Variants in ZNF385B observed in about 807,000 individuals in gnomAD.
The protein encoded by ZNF385B is zinc finger protein 533.
A neutral mutation model predicts 39.2 loss-of-function variants in ZNF385B; 23 were observed. The observed-to-expected ratio is 0.59, with a 90% CI of 0.42 to 0.83. ZNF385B has a LOEUF of 0.83. Among genes scored for constraint, ZNF385B ranks in the 40% least tolerant of loss-of-function variants. The probability of loss-of-function intolerance (pLI) is 0.00; values close to 1 mark genes in which losing one functional copy is unlikely to be tolerated. For missense variants in ZNF385B, 552 were observed against 598.9 expected (o/e 0.92, Z 0.82); for synonymous variants, 205 against 222.6 (o/e 0.92, Z 0.70).
At chr2:179,838,913 G>A (rs1349001639) in intron 1 of ZNF385B, among the ~76,000 whole-genome samples, 2 of 132,714 alleles carry the variant, frequency 1.5e-5, no homozygotes, top group Non-Finnish European at 1.6e-5. Flanking sequence ...AGTTATTACT[G>A]TAAACCAAAA....
chr2:179,604,114 G>A (rs900537880), intron 3 of ZNF385B, among the ~76,000 whole-genome samples: 13 of 152,168 alleles, frequency 8.5e-5, no homozygotes, highest in African/African-American at 3.1e-4. Context: ...AAGTGCTTTT[G>A]TGGTAATTTG....
At chr2:179,451,689 T>C (rs1174156682) in intron 6 of ZNF385B, among the ~76,000 whole-genome samples, 1 of 152,150 alleles carries the variant, frequency 6.6e-6, no homozygotes, top group Non-Finnish European at 1.5e-5. Context: ...AGATACTATC[T>C]AGTCAATAAA....
At chr2:179,613,530 C>A (rs1248667770) in intron 3 of ZNF385B, among the ~76,000 whole-genome samples, 1 of 152,106 alleles carries the variant, frequency 6.6e-6, no homozygotes, top group Non-Finnish European at 1.5e-5. Flanking sequence ...CCTTCTGAAC[C>A]AGGGTGTGTC....
chr2:179,473,232 C>A (rs775891737), intron 6 of ZNF385B, among the ~76,000 whole-genome samples: 12 of 152,088 alleles, frequency 7.9e-5, no homozygotes, highest in Non-Finnish European at 1.3e-4. Flanking sequence ...GCTCATGAAA[C>A]CTTAATATCC....
chr2:179,444,828 C>A (rs1454358776), intron 9 of ZNF385B, 48 bp downstream of exon 9: 1 of 1,537,942 alleles, frequency 6.5e-7, no homozygotes, highest in East Asian at 2.2e-5. Context: ...GCTGCCCAAC[C>A]CAGCAAGGCT....
chr2:179,614,454 A>AT (rs747237530), intron 3 of ZNF385B, among the ~76,000 whole-genome samples: 5 of 152,174 alleles, frequency 3.3e-5, no homozygotes, highest in Non-Finnish European at 5.9e-5. Flanking sequence ...AACATTTCTA[A>AT]TTTTAACATT....
intron 3 of ZNF385B, among the ~76,000 whole-genome samples, chr2:179,653,242 G>A (rs1575096308): frequency 3.9e-5 from 6 of 152,110 alleles, no homozygotes; most frequent in Admixed American, 3.9e-4. Context: ...GACAAGTTGG[G>A]ACCATTTCTT....
At chr2:179,570,498 C>A (rs2105994146) in intron 3 of ZNF385B, among the ~76,000 whole-genome samples, 1 of 152,234 alleles carries the variant, frequency 6.6e-6, no homozygotes, top group East Asian at 1.9e-4. Flanking sequence ...CTCTGAGCCT[C>A]AATTTTCTCA....
chr2:179,473,571 C>T (rs776234216), intron 6 of ZNF385B, among the ~76,000 whole-genome samples: 18 of 152,234 alleles, frequency 1.2e-4, no homozygotes, highest in South Asian at 2.1e-4. Context: ...ACGTGCAGAA[C>T]GTGCAGGTTT....
At chr2:179,639,226 C>CAAAAAAAAAAAAAA (rs59905278) in intron 3 of ZNF385B, among the ~76,000 whole-genome samples, 11 of 93,024 alleles carry the variant, frequency 1.2e-4, no homozygotes, top group African/African-American at 4.6e-4. Flanking sequence ...GATCCTGCCT[C>CAAAAAAAAAAAAAA]AAAAAAAAAA....
chr2:179,716,402 T>C (rs1700333949), intron 3 of ZNF385B, among the ~76,000 whole-genome samples: 2 of 152,216 alleles, frequency 1.3e-5, no homozygotes, highest in Non-Finnish European at 2.9e-5. Flanking sequence ...CCATTTTCTG[T>C]TGTAGTTCTA....
Position 179,450,400 on chromosome 2 carries a change from T to G in ZNF385B, c.716-3630A>C, listed in dbSNP as rs1329908073. Among the ~76,000 whole-genome samples the G allele has an allele frequency of 2.0e-5, 3 of 151,556 alleles. No homozygotes were observed. The East Asian group carries it at 5.8e-4, about 29-fold the overall frequency. On this transcript the variant is annotated intron_variant, in intron 6 of 9. Transcript: ENST00000410066. ...GAATCTACAACGAACTCCAACAAAT[T>G]TACAAAAAAACAAACAACCCCATCA...
At position 179,810,136 on chromosome 2, in the gene ZNF385B, G is replaced by T. The variant is rs186185311; in HGVS notation, c.-154-39464C>A. 7.9e-5 allele frequency among the ~76,000 whole-genome samples: 12 copies of T among 151,830 alleles called. No homozygotes were observed. The East Asian group carries it at 2.3e-3, about 29-fold the overall frequency. ...TATTTTGAATATTGTCTTCTTAGGG[G>T]AATTTATAATCTCATCTGAAACTAT... On this transcript the variant is annotated intron_variant, in intron 1 of 9. Transcript: ENST00000410066.
rs115576330 is a variant in ZNF385B, at chr2:179,613,478, T to A, written c.299-68509A>T. On this transcript the variant is annotated intron_variant, in intron 3 of 9. Coordinates refer to ENST00000410066, the MANE Select transcript of ZNF385B (RefSeq NM_152520.6). ...GGCTCTTTAGTCAGCAGGTGATGCA[T>A]CCTGACAGGTCTGGGTCCTTTCCTT... Among the ~76,000 whole-genome samples, 1,117 of 152,208 alleles carry A rather than the reference T, an allele frequency of 7.3e-3. 12 individuals carry two copies. The highest frequency in any genetic ancestry group is 0.025 in the African/African-American group (1,029 of 41,532).
At chr2:179,562,563 G>A (rs112648571) in intron 3 of ZNF385B, 3 of 985,250 alleles carry the variant, frequency 3.0e-6, no homozygotes, top group Admixed American at 1.2e-4. Context: ...CATACGTCCT[G>A]TAATTGCCGC....
intron 3 of ZNF385B, chr2:179,745,910 T>C (rs1702355721): frequency 1.6e-6 from 2 of 1,252,194 alleles, no homozygotes; most frequent in African/African-American, 3.1e-5. Flanking sequence ...TGCTGGCTTA[T>C]TGCACTGCTC....
At chr2:179,668,503 T>TA (rs1213174882) in intron 3 of ZNF385B, among the ~76,000 whole-genome samples, 1 of 151,838 alleles carries the variant, frequency 6.6e-6, no homozygotes, top group Non-Finnish European at 1.5e-5. Flanking sequence ...TAACCCTCCT[T>TA]AAGCTAAATG....
chr2:179,562,257 G>A, intron 3 of ZNF385B: 1 of 502,366 alleles, frequency 2.0e-6, no homozygotes, highest in Non-Finnish European at 2.6e-6. Flanking sequence ...CAAAGGAGTT[G>A]CAAAATTAGC....
intron 3 of ZNF385B, among the ~76,000 whole-genome samples, chr2:179,618,255 G>C (rs1210856581): frequency 3.3e-5 from 5 of 152,134 alleles, no homozygotes; most frequent in African/African-American, 9.7e-5. Flanking sequence ...CTAAAACTGA[G>C]CTCTACTATT....
Sources: allele counts gnomAD v4.1 joint callset (sites outside exome capture counted in the v4.1 genomes callset), GRCh38; gene constraint gnomAD v4.1.1; transcripts MANE v1.5; gene names NCBI Gene and HGNC (gene_info 2026-07-23, HGNC 2026-07-21).